Variants in RIN2 observed in about 807,000 individuals in gnomAD.
The protein encoded by RIN2 is Ras and Rab interactor 2, also known as RAB5 interacting protein 2.
In RIN2, 36 loss-of-function variants were observed where a neutral mutation model predicts 78.0. The observed-to-expected ratio is 0.46, with a 90% CI of 0.35 to 0.61. The LOEUF (loss-of-function observed/expected upper bound fraction) is 0.61. Among genes scored for constraint, RIN2 ranks in the 20% least tolerant of loss-of-function variants. The pLI is 0.00. For synonymous variants in RIN2, 466 were observed against 466.8 expected (o/e 1.00, Z 0.02); for missense variants, 1,087 against 1,159.7 (o/e 0.94, Z 0.91).
At chr20:19,798,867 TCAAA>T (rs1030144097) in intron 1 of RIN2, among the ~76,000 whole-genome samples, 11 of 152,128 alleles carry the variant, frequency 7.2e-5, no homozygotes, top group African/African-American at 2.7e-4. Context: ...GGATACTGAT[TCAAA>T]CAGTTAAAAA....
At chr20:19,916,776 C>T (rs185112382) in intron 3 of RIN2, among the ~76,000 whole-genome samples, 34 of 152,250 alleles carry the variant, frequency 2.2e-4, no homozygotes, top group Middle Eastern at 6.8e-3. Context: ...CTCATTTTAT[C>T]GAATGTTTAA....
intron 2 of RIN2, among the ~76,000 whole-genome samples, chr20:19,870,502 C>T (rs566361941): frequency 2.6e-5 from 4 of 152,228 alleles, no homozygotes; most frequent in African/African-American, 4.8e-5. Flanking sequence ...CAAAAATTAG[C>T]CAGGCACGAT....
intron 3 of RIN2, among the ~76,000 whole-genome samples, chr20:19,926,551 G>T (rs426009): frequency 0.14 from 20,495 of 151,742 alleles, 1,853 homozygotes; most frequent in East Asian, 0.28. Context: ...ACACCAGGAG[G>T]CTCCTCAGCC....
intron 2 of RIN2, among the ~76,000 whole-genome samples, chr20:19,837,162 C>A (rs1385236790): frequency 2.4e-5 from 3 of 122,582 alleles, no homozygotes; most frequent in African/African-American, 7.0e-5. Flanking sequence ...CACACACCGC[C>A]CCCCCCAACA....
chr20:19,810,256 A>T (rs2035546562), intron 2 of RIN2, among the ~76,000 whole-genome samples: 1 of 151,902 alleles, frequency 6.6e-6, no homozygotes, highest in Non-Finnish European at 1.5e-5. Context: ...AAAAAAAAAA[A>T]AAAAAGCCAG....
intron 1 of RIN2, among the ~76,000 whole-genome samples, chr20:19,787,422 TAAAAAAAAAAAA>T (rs541323014): frequency 1.2e-5 from 1 of 85,878 alleles, no homozygotes; most frequent in Non-Finnish European, 2.2e-5. Context: ...GACTCCATCT[TAAAAAAAAAAAA>T]AAAAAAAAAA....
chr20:19,815,154 T>C (rs2035724475), intron 2 of RIN2, among the ~76,000 whole-genome samples: 1 of 152,184 alleles, frequency 6.6e-6, no homozygotes, highest in Admixed American at 6.5e-5. Context: ...TGTTTATTTA[T>C]TTTTTAAATT....
intron 4 of RIN2, 82 bp downstream of exon 4, chr20:19,935,281 ACTC>A (rs2040594683): frequency 1.5e-6 from 2 of 1,346,680 alleles, no homozygotes. Context: ...ACTTGCAGTC[ACTC>A]CTCAGAAGTC....
chr20:19,776,191 A>C (rs566638332), intron 1 of RIN2, among the ~76,000 whole-genome samples: 2 of 152,330 alleles, frequency 1.3e-5, no homozygotes, highest in Non-Finnish European at 2.9e-5. Flanking sequence ...TGGGAGTCGG[A>C]CATGCCTCAT....
At chr20:19,822,575 G>A (rs2035958654) in intron 2 of RIN2, among the ~76,000 whole-genome samples, 1 of 152,032 alleles carries the variant, frequency 6.6e-6, no homozygotes, top group Non-Finnish European at 1.5e-5. Context: ...TTACAGCACT[G>A]GTAAGACCTC....
In RIN2 at chr20:19,956,793, G is replaced by T; in HGVS notation, c.337G>T (p.Ala113Ser). Residue 113 changes from alanine to serine, a missense_variant, in exon 5 of 13, where the codon GCC (alanine) becomes TCC (serine). Physicochemically the swap from Ala to Ser is moderately conservative, Grantham distance 99 (BLOSUM62 1). Transcript: ENST00000255006. ...GGAGGAGGCAGCAGAGGTCCTGCAG[G>T]CCCAGCCTCCGGGGGTAAGACTCAG... The part of the protein sequence containing the change: ...SEEEAAEVLQ[A>S]QPPGIFLVHK... 6.3e-7 allele frequency: 1 copy of T among 1,588,394 alleles called. No homozygotes were observed. Among genetic ancestry groups the T allele is most frequent in the East Asian group, 2.3e-5 (1 of 43,906 alleles).
At position 19,975,894 on chromosome 20, in the gene RIN2, A is replaced by T; in HGVS notation, c.1762+107A>T. 1.0e-6 allele frequency: 1 copy of T among 997,708 alleles called. No individual in the cohort carries two copies. The highest frequency in any genetic ancestry group is 2.6e-5 in the East Asian group (1 of 38,314). 61.8% of individuals were successfully genotyped at this position (997,708 alleles called of 1,614,324 possible). A position where few individuals can be genotyped will look rare whatever the true frequency, so the allele number is the denominator to read the frequency against. On this transcript the variant is annotated intron_variant, in intron 9 of 12. Coordinates refer to ENST00000255006, the MANE Select transcript of RIN2 (RefSeq NM_018993.4). The surrounding 1 kb of genome is among the most constrained non-coding windows in gnomAD (Gnocchi z 4.9). Reference sequence around the variant, plus strand: ...AGTTTACTCCGAAGTTCAAAACAACACCCAGCTCCACCTTCTCTCCCGGTT... The same window carrying T: ...AGTTTACTCCGAAGTTCAAAACAACTCCCAGCTCCACCTTCTCTCCCGGTT...
chr20:19,779,179 G>A (rs2122506626), intron 1 of RIN2, among the ~76,000 whole-genome samples: 1 of 152,262 alleles, frequency 6.6e-6, no homozygotes, highest in Admixed American at 6.5e-5. Flanking sequence ...AGATGTCTCA[G>A]TGAGAGGATT....
chr20:19,971,336 CG>C (rs2042100905), intron 8 of RIN2, among the ~76,000 whole-genome samples: 1 of 152,080 alleles, frequency 6.6e-6, no homozygotes, highest in African/African-American at 2.4e-5. Flanking sequence ...CTAACCCTGC[CG>C]GGGATCCTTG....
intron 2 of RIN2, among the ~76,000 whole-genome samples, chr20:19,800,099 G>A (rs2035193246): frequency 6.6e-6 from 1 of 152,190 alleles, no homozygotes; most frequent in East Asian, 1.9e-4. Flanking sequence ...GGTGGGCACT[G>A]CTGTTGCCCC....
At chr20:19,858,915 G>T (rs1052661090) in intron 2 of RIN2, among the ~76,000 whole-genome samples, 14 of 152,352 alleles carry the variant, frequency 9.2e-5, no homozygotes, top group African/African-American at 3.4e-4. Flanking sequence ...CTCGGGACAT[G>T]CAGGGAGAAG....
intron 2 of RIN2, among the ~76,000 whole-genome samples, chr20:19,849,588 A>G (rs34181998): frequency 0.046 from 7,059 of 152,246 alleles, 205 homozygotes; most frequent in South Asian, 0.12. Flanking sequence ...ACAAAGCCAC[A>G]TTTGAGGCAT....
intron 2 of RIN2, among the ~76,000 whole-genome samples, chr20:19,825,217 T>A (rs766567385): frequency 1.3e-5 from 2 of 152,204 alleles, no homozygotes; most frequent in African/African-American, 2.4e-5. Context: ...CCAATATGCC[T>A]TGTGTAGTTA....
intron 4 of RIN2, among the ~76,000 whole-genome samples, chr20:19,950,927 TCACCCCCG>T (rs1452583505): frequency 2.1e-4 from 32 of 150,238 alleles, no homozygotes; most frequent in African/African-American, 7.3e-4. Flanking sequence ...TCTAACTCTG[TCACCCCCG>T]CTGAAGTGCA....
Sources: gnomAD v4.1 joint callset for allele counts (sites outside exome capture counted in the v4.1 genomes callset) on GRCh38, gnomAD v4.1.1 for gene constraint, Gnocchi (gnomAD v3.1) non-coding constraint, MANE v1.5 for transcripts, NCBI Gene and HGNC (gene_info 2026-07-23, HGNC 2026-07-21) for gene names.